SETBP1: variants seen among roughly 807,000 people sequenced by gnomAD.
SETBP1 encodes the protein SET binding protein 1.
In SETBP1, 9 loss-of-function variants were observed where a neutral mutation model predicts 101.0. The ratio of observed to expected loss-of-function variants is 0.09; its 90% CI spans 0.05 to 0.16. SETBP1 has a LOEUF of 0.16. Among genes scored for constraint, SETBP1 ranks in the 10% least tolerant of loss-of-function variants. The pLI is 1.00. For synonymous variants in SETBP1, 818 were observed against 788.5 expected, an observed-to-expected ratio of 1.04 and a Z score of -0.63; for missense variants, 1,858 against 2,033.8, an observed-to-expected ratio of 0.91 and a Z score of 1.66.
intron 2 of SETBP1, among the ~76,000 whole-genome samples, chr18:44,793,311 T>C (rs1383948016): frequency 1.3e-5 from 2 of 152,186 alleles, no homozygotes; most frequent in Non-Finnish European, 2.9e-5. Flanking sequence ...ATAATAGAGA[T>C]GCTGGGGCCA....
chr18:44,701,297 C>T lies in SETBP1; in HGVS notation c.-50C>T, dbSNP rs1210158240. On this transcript the variant is annotated 5_prime_UTR_variant, in exon 2 of 6. Coordinates refer to ENST00000649279, the MANE Select transcript of SETBP1 (RefSeq NM_015559.3). ...CCTCTTTTCTCACCTTTCCCTTTTC[C>T]CTTTTCCCCTTCCCCCTCCTGAGAA... 1 of 1,451,560 alleles carries T rather than the reference C, an allele frequency of 6.9e-7. No homozygotes were observed. The highest frequency in any genetic ancestry group is 1.4e-5 in the African/African-American group (1 of 69,666). The allele number at this position is 1,451,560 out of a possible 1,614,324, so 89.9% of individuals were successfully genotyped here.
intron 2 of SETBP1, among the ~76,000 whole-genome samples, chr18:44,826,423 C>T (rs934276240): frequency 7.9e-5 from 12 of 152,064 alleles, no homozygotes; most frequent in Non-Finnish European, 1.6e-4. Context: ...CTTTTTTTCT[C>T]TCTCAAAAGA....
rs2073932215 is a variant in SETBP1 at position 45,063,782 on chromosome 18, G to A, written c.*84G>A. 9.6e-6 allele frequency: 14 copies of A among 1,451,464 alleles called. No individual in the cohort carries two copies. The highest frequency in any genetic ancestry group is 1.4e-5 in the African/African-American group (1 of 69,688). The allele number at this position is 1,451,464 out of a possible 1,614,324, so 89.9% of individuals were successfully genotyped here. A position where few individuals can be genotyped will look rare whatever the true frequency, so the allele number is the denominator to read the frequency against. ...AGCCGGGGCGGGGGCGGAATCCCCC[G>A]CTGCAGGGACACCCACGCCCTTCTC... On this transcript the variant is annotated 3_prime_UTR_variant, in exon 6 of 6. Transcript: ENST00000649279.
chr18:44,906,196 G>C (rs1448863543), intron 3 of SETBP1, among the ~76,000 whole-genome samples: 2 of 152,164 alleles, frequency 1.3e-5, no homozygotes, highest in Non-Finnish European at 2.9e-5. Flanking sequence ...TCCAGAACTG[G>C]TCTGATTCTT....
intron 2 of SETBP1, among the ~76,000 whole-genome samples, chr18:44,844,339 G>T (rs577353563): frequency 1.6e-5 from 1 of 61,124 alleles, no homozygotes; most frequent in Non-Finnish European, 3.2e-5. Context: ...ACACACACAC[G>T]TGCACACACG....
intron 3 of SETBP1, among the ~76,000 whole-genome samples, chr18:44,896,886 T>A (rs995022575): frequency 4.0e-4 from 61 of 152,326 alleles, no homozygotes; most frequent in African/African-American, 1.2e-3. Flanking sequence ...TCCTTCTTAC[T>A]CTGTACTCTT....
chr18:44,869,191 G>A, intron 2 of SETBP1, 39 bp from the exon 3 acceptor site: 3 of 1,601,158 alleles, frequency 1.9e-6, no homozygotes, highest in African/African-American at 1.3e-5. Context: ...TATGCAAACT[G>A]AAAAGTGTCA....
chr18:44,698,641 T>C (rs1015844210), intron 1 of SETBP1, among the ~76,000 whole-genome samples: 1 of 152,196 alleles, frequency 6.6e-6, no homozygotes, highest in Non-Finnish European at 1.5e-5. Context: ...CCTCAAAGCC[T>C]TTCTGTGTAG....
chr18:44,721,933 C>T (rs2069606602), intron 2 of SETBP1, among the ~76,000 whole-genome samples: 2 of 152,212 alleles, frequency 1.3e-5, no homozygotes, highest in Admixed American at 1.3e-4. Flanking sequence ...TTCAGGCTCC[C>T]CACCGAAGCA....
chr18:44,699,966 G>C (rs2069088796), intron 1 of SETBP1, among the ~76,000 whole-genome samples: 1 of 152,106 alleles, frequency 6.6e-6, no homozygotes, highest in Non-Finnish European at 1.5e-5. Context: ...TAAATTGATG[G>C]GCTCAGAGGT....
intron 3 of SETBP1, chr18:44,877,272 A>G: frequency 3.1e-6 from 2 of 646,438 alleles, no homozygotes; most frequent in Non-Finnish European, 3.8e-6. Context: ...GATTTGTCTT[A>G]TAGTATTTTA....
At chr18:44,875,613 A>G (rs2069385439) in intron 3 of SETBP1, among the ~76,000 whole-genome samples, 1 of 149,140 alleles carries the variant, frequency 6.7e-6, no homozygotes, top group Non-Finnish European at 1.5e-5. Flanking sequence ...ACTCAACTGG[A>G]GTTTGTGGTA....
At chr18:44,989,172 C>A (rs1275981125) in intron 4 of SETBP1, 1 of 152,096 alleles carries the variant, frequency 6.6e-6, no homozygotes, top group Admixed American at 6.5e-5. Context: ...ATCCCCTCAA[C>A]TACAAGATAA....
At chr18:44,882,207 TTTTG>T (rs2069545507) in intron 3 of SETBP1, among the ~76,000 whole-genome samples, 1 of 152,148 alleles carries the variant, frequency 6.6e-6, no homozygotes, top group African/African-American at 2.4e-5. Flanking sequence ...AACATTCATT[TTTTG>T]TTTGTTTACA....
intron 2 of SETBP1, among the ~76,000 whole-genome samples, chr18:44,794,806 T>C (rs2071440664): frequency 6.6e-6 from 1 of 152,216 alleles, no homozygotes; most frequent in African/African-American, 2.4e-5. Flanking sequence ...GGGATCGTGA[T>C]TCATTTTGTT....
intron 5 of SETBP1, among the ~76,000 whole-genome samples, chr18:45,040,509 C>A (rs985579477): frequency 3.9e-5 from 6 of 152,184 alleles, no homozygotes; most frequent in African/African-American, 1.4e-4. Flanking sequence ...GCACTGGAGA[C>A]CTCTCTTTAT....
At chr18:44,869,375 C>G in intron 3 of SETBP1, 92 bp downstream of exon 3, 1 of 1,188,748 alleles carries the variant, frequency 8.4e-7, no homozygotes, top group Non-Finnish European at 1.3e-6. Flanking sequence ...AGGACAGAAA[C>G]CCGAACCTTG....
chr18:44,690,040 C>T (rs764394015), intron 1 of SETBP1, among the ~76,000 whole-genome samples: 10 of 152,126 alleles, frequency 6.6e-5, no homozygotes, highest in South Asian at 4.1e-4. Flanking sequence ...AGGTCCTGTC[C>T]GCTACCAGCT....
intron 4 of SETBP1, among the ~76,000 whole-genome samples, chr18:44,996,876 G>A (rs1225888598): frequency 6.6e-6 from 1 of 152,180 alleles, no homozygotes; most frequent in East Asian, 1.9e-4. Context: ...GGAAGAAAAA[G>A]GGTAGGAAAA....
Sources: gnomAD v4.1 joint callset for allele counts (sites outside exome capture counted in the v4.1 genomes callset) on GRCh38, gnomAD v4.1.1 for gene constraint, MANE v1.5 for transcripts, NCBI Gene and HGNC (gene_info 2026-07-23, HGNC 2026-07-21) for gene names.